Variants in NRG3 observed in about 807,000 individuals in gnomAD.
The protein encoded by NRG3 is pro-neuregulin-3, membrane-bound isoform.
NRG3 carries 31 observed loss-of-function variants against 66.9 expected under a neutral mutation model. The observed-to-expected ratio is 0.46, with a 90% CI of 0.35 to 0.63. The LOEUF (loss-of-function observed/expected upper bound fraction) is 0.63, where lower values mean the gene tolerates loss of function less well. Among genes scored for constraint, NRG3 ranks in the 20% least tolerant of loss-of-function variants. The pLI is 0.00. For missense variants in NRG3, 910 were observed against 878.9 expected (o/e 1.04, Z -0.45); for synonymous variants, 393 against 359.4 (o/e 1.09, Z -1.06).
chr10:82,096,701 A>G (rs1222779815), intron 1 of NRG3, among the ~76,000 whole-genome samples: 1 of 152,176 alleles, frequency 6.6e-6, no homozygotes, highest in Non-Finnish European at 1.5e-5. Flanking sequence ...TGACTTATTG[A>G]TATGGAAGAC....
intron 3 of NRG3, among the ~76,000 whole-genome samples, chr10:82,770,397 C>T (rs1271692807): frequency 1.3e-5 from 2 of 152,096 alleles, no homozygotes; most frequent in East Asian, 3.9e-4. Context: ...TGAACAAAGT[C>T]ACGTTCTTAC....
chr10:82,488,338 G>A (rs1018013230), intron 2 of NRG3, among the ~76,000 whole-genome samples: 4 of 152,144 alleles, frequency 2.6e-5, no homozygotes, highest in African/African-American at 7.2e-5. Context: ...TAGAGGACAC[G>A]TAGTTTGCCA....
At chr10:82,128,341 TA>T (rs1216158163) in intron 1 of NRG3, among the ~76,000 whole-genome samples, 1 of 152,184 alleles carries the variant, frequency 6.6e-6, no homozygotes, top group East Asian at 1.9e-4. Flanking sequence ...GATCTCACCT[TA>T]AAAATGTTTT....
At chr10:82,294,857 C>A (rs1056903028) in intron 1 of NRG3, among the ~76,000 whole-genome samples, 1 of 152,198 alleles carries the variant, frequency 6.6e-6, no homozygotes, top group Middle Eastern at 3.4e-3. Context: ...AAATCAATAG[C>A]CTTGTGGTTC....
chr10:82,245,679 T>C (rs2077204811), intron 1 of NRG3, among the ~76,000 whole-genome samples: 1 of 152,190 alleles, frequency 6.6e-6, no homozygotes, highest in Non-Finnish European at 1.5e-5. Flanking sequence ...GTACCTGACA[T>C]AATAAAAACA....
intron 3 of NRG3, among the ~76,000 whole-genome samples, chr10:82,814,607 C>A (rs2061628174): frequency 6.6e-6 from 1 of 152,162 alleles, no homozygotes; most frequent in African/African-American, 2.4e-5. Context: ...ACTTCTGACC[C>A]ATGAGAAAAC....
chr10:82,645,648 G>A (rs996221437), intron 2 of NRG3, among the ~76,000 whole-genome samples: 11 of 152,050 alleles, frequency 7.2e-5, no homozygotes, highest in East Asian at 1.9e-4. Context: ...AAGACCTTTA[G>A]GATATAAGAA....
In NRG3 at chr10:82,401,304, T is replaced by C. The variant is rs115600934; in HGVS notation, c.953+42436T>C. ...AATATACAAAATTTATACATACACA[T>C]GTATATGGGTGTGTAGCTATATATA... On this transcript the variant is annotated intron_variant, in intron 2 of 8. Transcript: ENST00000372141. Among the ~76,000 whole-genome samples, 6 of 152,226 alleles carry C rather than the reference T, an allele frequency of 3.9e-5. No individual in the cohort carries two copies. In the South Asian group the frequency reaches 1.2e-3, roughly 32 times the overall value.
intron 1 of NRG3, among the ~76,000 whole-genome samples, chr10:82,191,504 C>T (rs1339657800): frequency 6.6e-6 from 1 of 152,088 alleles, no homozygotes; most frequent in African/African-American, 2.4e-5. Context: ...TACCCCAATC[C>T]CCATTCCAAA....
intron 1 of NRG3, among the ~76,000 whole-genome samples, chr10:82,205,520 C>A (rs1050530934): frequency 6.6e-6 from 1 of 152,074 alleles, no homozygotes; most frequent in Non-Finnish European, 1.5e-5. Flanking sequence ...TGAATCAGGA[C>A]AATATCATCA....
chr10:82,441,439 C>T lies in NRG3; in HGVS notation c.953+82571C>T, dbSNP rs556686292. On this transcript the variant is annotated intron_variant, in intron 2 of 8. Coordinates refer to ENST00000372141, the MANE Select transcript of NRG3 (RefSeq NM_001010848.4). ...ATGTTAGTACATGTAGTTTCAAATC[C>T]GGGGTCTGCTATTCACTGTTTCCAT... Among the ~76,000 whole-genome samples the T allele has an allele frequency of 1.2e-4, 18 of 152,232 alleles. No homozygotes were observed. The South Asian group carries it at 3.5e-3, about 30-fold the overall frequency.
In NRG3 at chr10:81,891,394, A is replaced by T. The variant is rs536600302; in HGVS notation, c.823+15231A>T. Among the ~76,000 whole-genome samples, 48 of 152,158 alleles carry T rather than the reference A, an allele frequency of 3.2e-4. 1 individual carries two copies. Among genetic ancestry groups the T allele is most frequent in the Non-Finnish European group, 6.5e-4 (44 of 68,038 alleles). On this transcript the variant is annotated intron_variant, in intron 1 of 8. Coordinates refer to ENST00000372141, the MANE Select transcript of NRG3 (RefSeq NM_001010848.4). Reference sequence around the variant, plus strand: ...TTGGCAATATGGCGCACTTTAAGGTATTTAAGCATGGACTCAGGAGTTTGT... The same window carrying T: ...TTGGCAATATGGCGCACTTTAAGGTTTTTAAGCATGGACTCAGGAGTTTGT...
chr10:82,372,054 C>A (rs1265912633), intron 2 of NRG3, among the ~76,000 whole-genome samples: 1 of 152,062 alleles, frequency 6.6e-6, no homozygotes, highest in Non-Finnish European at 1.5e-5. Context: ...TAGAAGATTC[C>A]AAAAATCAGT....
At chr10:82,378,828 C>G (rs963104476) in intron 2 of NRG3, among the ~76,000 whole-genome samples, 2 of 152,100 alleles carry the variant, frequency 1.3e-5, no homozygotes, top group African/African-American at 4.8e-5. Flanking sequence ...ACCTCGGCCT[C>G]CCAAAGTGCT....
chr10:81,876,221 T>A (rs534224073), intron 1 of NRG3, 58 bp downstream of exon 1: 1,346 of 1,509,194 alleles, frequency 8.9e-4, no homozygotes, highest in Non-Finnish European at 1.1e-3. Flanking sequence ...TCTGCCCTCC[T>A]GCTGTCTTTT....
intron 1 of NRG3, among the ~76,000 whole-genome samples, chr10:82,150,528 C>CAAAAAAAAAAAAAAAAAAAA (rs1264827514): frequency 1.9e-5 from 1 of 51,736 alleles, no homozygotes; most frequent in Non-Finnish European, 3.6e-5. Flanking sequence ...AAAGAGCACA[C>CAAAAAAAAAAAAAAAAAAAA]ACAAAAAAAA....
chr10:82,565,403 A>G (rs2045335066), intron 2 of NRG3, among the ~76,000 whole-genome samples: 2 of 152,126 alleles, frequency 1.3e-5, no homozygotes, highest in Admixed American at 1.3e-4. Context: ...ATAATTGGAA[A>G]AATGCTGCAA....
chr10:82,659,080 A>T (rs1489489113), intron 2 of NRG3, among the ~76,000 whole-genome samples: 1 of 152,254 alleles, frequency 6.6e-6, no homozygotes, highest in Non-Finnish European at 1.5e-5. Flanking sequence ...TCTGAGCTCA[A>T]GTAATCTTTG....
At position 82,199,503 on chromosome 10, in the gene NRG3, C is replaced by G. The variant is rs185946557; in HGVS notation, c.824-159236C>G. On this transcript the variant is annotated intron_variant, in intron 1 of 8. Transcript: ENST00000372141. ...TTGAAAATTTATGTGAATATATAAA[C>G]TGATCTGTTAATACACCAATTTATT... Among the ~76,000 whole-genome samples, 485 of 152,284 alleles carry G rather than the reference C, an allele frequency of 3.2e-3. 2 individuals carry two copies. The highest frequency in any genetic ancestry group is 0.011 in the African/African-American group (458 of 41,568).
Sources: gnomAD v4.1 joint callset for allele counts (sites outside exome capture counted in the v4.1 genomes callset) on GRCh38, gnomAD v4.1.1 for gene constraint, MANE v1.5 for transcripts, NCBI Gene and HGNC (gene_info 2026-07-23, HGNC 2026-07-21) for gene names.